RUFY3: variants seen among roughly 807,000 people sequenced by gnomAD.
RUFY3 encodes RUN and FYVE domain containing 3, also known as protein RUFY3.
Under a neutral mutation model 84.0 loss-of-function variants are expected in RUFY3, and 34 were observed. The ratio of observed to expected loss-of-function variants is 0.40; its 90% CI spans 0.31 to 0.54. The LOEUF is 0.54. RUFY3 is among the 20% of genes least tolerant of loss of function. The probability of loss-of-function intolerance (pLI) is 0.39; values close to 1 mark genes in which losing one functional copy is unlikely to be tolerated. For synonymous variants in RUFY3, 242 were observed against 252.9 expected, an observed-to-expected ratio of 0.96 and a Z score of 0.41; for missense variants, 507 against 736.8, an observed-to-expected ratio of 0.69 and a Z score of 3.61.
At chr4:70,727,014 G>C (rs929844927) in intron 1 of RUFY3, among the ~76,000 whole-genome samples, 5 of 140,014 alleles carry the variant, frequency 3.6e-5, no homozygotes, top group Non-Finnish European at 6.3e-5. Context: ...GTTTTACTTT[G>C]TGAAAGCGTA....
intron 5 of RUFY3, among the ~76,000 whole-genome samples, chr4:70,771,165 A>G (rs548669620): frequency 1.2e-4 from 19 of 152,214 alleles, no homozygotes; most frequent in Non-Finnish European, 2.6e-4. Flanking sequence ...AGAGTTACCA[A>G]AATGTGAAAC....
chr4:70,714,924 T>A (rs1369032655), intron 1 of RUFY3, among the ~76,000 whole-genome samples: 1 of 152,222 alleles, frequency 6.6e-6, no homozygotes, highest in African/African-American at 2.4e-5. Flanking sequence ...AGGGTAGAGG[T>A]TATTTTTAAT....
intron 12 of RUFY3, chr4:70,792,420 G>A (rs901551696): frequency 3.1e-6 from 3 of 983,104 alleles, no homozygotes; most frequent in Non-Finnish European, 3.6e-6. Context: ...ATATCCACAA[G>A]CAATATTAGC....
intron 1 of RUFY3, among the ~76,000 whole-genome samples, chr4:70,725,328 A>G (rs1247672476): frequency 6.6e-6 from 1 of 151,460 alleles, no homozygotes; most frequent in Non-Finnish European, 1.5e-5. Context: ...TTTGTCTTAT[A>G]TACTCTTTTT....
intron 16 of RUFY3, among the ~76,000 whole-genome samples, chr4:70,803,681 G>A (rs559045052): frequency 6.6e-6 from 1 of 151,668 alleles, no homozygotes; most frequent in Non-Finnish European, 1.5e-5. Context: ...CAAAGTGCTG[G>A]GATTACAGGT....
At chr4:70,750,168 A>G (rs1722905842) in intron 1 of RUFY3, among the ~76,000 whole-genome samples, 1 of 152,118 alleles carries the variant, frequency 6.6e-6, no homozygotes, top group Non-Finnish European at 1.5e-5. Context: ...CGTACCACCA[A>G]GTCCAGCTTA....
chr4:70,723,588 A>G (rs1717734576), intron 1 of RUFY3, among the ~76,000 whole-genome samples: 1 of 152,280 alleles, frequency 6.6e-6, no homozygotes, highest in Middle Eastern at 3.4e-3. Flanking sequence ...TAATTCTCTT[A>G]ATACCACAGA....
At chr4:70,785,472 T>C (rs746475707) in intron 10 of RUFY3, among the ~76,000 whole-genome samples, 5 of 152,128 alleles carry the variant, frequency 3.3e-5, no homozygotes, top group African/African-American at 4.8e-5. Flanking sequence ...AGAGAACCTT[T>C]ACACACTGCT....
chr4:70,794,833 G>A lies in RUFY3; in HGVS notation c.1496G>A (p.Arg499Lys), dbSNP rs553615918. 5 of 1,612,914 alleles carry A rather than the reference G, an allele frequency of 3.1e-6. No homozygotes were observed. In the South Asian group the frequency reaches 3.3e-5, roughly 11 times the overall value. The part of the protein sequence containing the change: ...LELELKQEKE[R>K]RLQNDRSIPG... ...TTAGAACTAAAACAGGAAAAAGAAA[G>A]AAGATTACAAAACGACAGGAGCATC... Residue 499 changes from arginine (R) to lysine (K), a missense_variant, in exon 14 of 18, where the codon AGA (arginine) becomes AAA (lysine). Arg to Lys is a conservative substitution (Grantham distance 26). Transcript: ENST00000381006.
chr4:70,704,407 C>T (rs1314033388), upstream of RUFY3: 1 of 152,360 alleles, frequency 6.6e-6, no homozygotes, highest in African/African-American at 2.4e-5. Context: ...TTCGCCTCTT[C>T]TTCAACCCAG....
rs1740861469 is a variant in RUFY3, at chr4:70,710,530, C to T, written c.358+5236C>T. Among the ~76,000 whole-genome samples, 5 of 151,506 alleles carry T rather than the reference C, an allele frequency of 3.3e-5. No individual in the cohort carries two copies. In the South Asian group the frequency reaches 1.0e-3, roughly 32 times the overall value. ...TACTAAAAATACAAAATTAGCTGGG[C>T]ATGGTGACGCACACCTGTGATCCCA... On this transcript the variant is annotated intron_variant, in intron 1 of 11. Coordinates refer to the RUFY3 transcript ENST00000417478.
intron 1 of RUFY3, among the ~76,000 whole-genome samples, chr4:70,746,662 A>G (rs1247417096): frequency 6.6e-6 from 1 of 152,218 alleles, no homozygotes; most frequent in East Asian, 1.9e-4. Flanking sequence ...AGATAAGGAA[A>G]GTGACACATA....
chr4:70,727,063 C>A (rs566620830), intron 1 of RUFY3, among the ~76,000 whole-genome samples: 1 of 139,808 alleles, frequency 7.2e-6, no homozygotes, highest in Non-Finnish European at 1.5e-5. Context: ...TTTTTTTAAC[C>A]GAAGCAATGT....
intron 9 of RUFY3, among the ~76,000 whole-genome samples, chr4:70,784,553 T>A (rs1729475263): frequency 6.6e-6 from 1 of 152,148 alleles, no homozygotes. Context: ...TTTTAGAGGC[T>A]GATTTTTAAA....
intron 1 of RUFY3, among the ~76,000 whole-genome samples, chr4:70,724,859 C>G (rs963279519): frequency 6.6e-6 from 1 of 152,136 alleles, no homozygotes; most frequent in Non-Finnish European, 1.5e-5. Context: ...ATGTTAATAC[C>G]ACTGATAGTT....
rs143545853 is a variant in RUFY3, at chr4:70,722,593, C to T, written c.20C>T (p.Pro7Leu). Residue 7 changes from proline (P) to leucine (L), a missense_variant, in exon 1 of 18, where the codon CCG (proline) becomes CTG (leucine). This residue lies in a region of RUFY3 where 133 missense variants were observed against 301.1 expected (regional missense o/e 0.44). Transcript: ENST00000381006. MSALTP[P>L]TDMPTPTTDK... ...GTCATCATGTCTGCTCTGACGCCTC[C>T]GACCGATATGCCAACCCCCACCACT... 268 of 1,612,998 alleles carry T rather than the reference C, an allele frequency of 1.7e-4. No individual in the cohort carries two copies. The highest frequency in any genetic ancestry group is 2.2e-4 in the Non-Finnish European group (263 of 1,179,796).
intron 1 of RUFY3, among the ~76,000 whole-genome samples, chr4:70,746,320 G>C (rs948129206): frequency 1.3e-5 from 2 of 150,738 alleles, no homozygotes; most frequent in African/African-American, 4.9e-5. Flanking sequence ...CTCAAGCCTG[G>C]TTGACAGAGC....
intron 1 of RUFY3, among the ~76,000 whole-genome samples, chr4:70,708,756 A>C (rs1028428535): frequency 1.7e-4 from 26 of 152,206 alleles, no homozygotes; most frequent in African/African-American, 6.3e-4. Flanking sequence ...AATAGCAAAA[A>C]TGTGTGAGAC....
At chr4:70,704,959 C>A in exon 1 of RUFY3, 3 of 1,227,922 alleles carry the variant, frequency 2.4e-6, no homozygotes, top group Non-Finnish European at 3.0e-6. Context: ...CCGCCGCCGC[C>A]CACCGCTGGT....
Sources: allele counts gnomAD v4.1 joint callset (sites outside exome capture counted in the v4.1 genomes callset), GRCh38; gene constraint gnomAD v4.1.1; regional missense constraint gnomAD v4.1.1; transcripts MANE v1.5; gene names NCBI Gene and HGNC (gene_info 2026-07-23, HGNC 2026-07-21).